CSNK1G1: variants seen among roughly 807,000 people sequenced by gnomAD.
CSNK1G1 encodes the protein casein kinase I isoform gamma-1.
Under a neutral mutation model 59.6 loss-of-function variants are expected in CSNK1G1, and 22 were observed. The ratio of observed to expected loss-of-function variants is 0.37; its 90% confidence interval spans 0.26 to 0.53. CSNK1G1 has a LOEUF of 0.53. Among genes scored for constraint, CSNK1G1 ranks in the 20% least tolerant of loss-of-function variants. The pLI, the probability that CSNK1G1 is intolerant of heterozygous loss-of-function variation, is 0.89. For missense variants in CSNK1G1, 384 were observed against 519.5 expected (o/e 0.74, Z 2.54); for synonymous variants, 179 against 177.1 (o/e 1.01, Z -0.08).
chr15:64,189,950 T>C (rs2081949064), intron 10 of CSNK1G1, among the ~76,000 whole-genome samples: 2 of 151,816 alleles, frequency 1.3e-5, no homozygotes, highest in Non-Finnish European at 2.9e-5. Context: ...TCCTGAGTAG[T>C]TGGGACTACA....
chr15:64,302,851 T>C (rs1246175698), intron 1 of CSNK1G1, among the ~76,000 whole-genome samples: 1 of 152,158 alleles, frequency 6.6e-6, no homozygotes, highest in African/African-American at 2.4e-5. Context: ...TTTATAAAGA[T>C]TTGGAAACTA....
chr15:64,191,233 T>C (rs1204596479), intron 10 of CSNK1G1, among the ~76,000 whole-genome samples: 1 of 152,160 alleles, frequency 6.6e-6, no homozygotes, highest in Non-Finnish European at 1.5e-5. Flanking sequence ...CTAATTTTTT[T>C]ATATTTTTAG....
intron 2 of CSNK1G1, among the ~76,000 whole-genome samples, chr15:64,297,036 AT>A (rs1184394630): frequency 1.6e-5 from 2 of 129,032 alleles, no homozygotes; most frequent in East Asian, 2.3e-4. Context: ...AGTATGCTTT[AT>A]TTTCCCCCCT....
At chr15:64,230,556 C>T (rs2082533107) in intron 4 of CSNK1G1, among the ~76,000 whole-genome samples, 1 of 152,172 alleles carries the variant, frequency 6.6e-6, no homozygotes, top group Non-Finnish European at 1.5e-5. Flanking sequence ...CCTCATCCTT[C>T]CCAAACTGCC....
chr15:64,210,020 A>G lies in CSNK1G1; in HGVS notation c.680-2426T>C, dbSNP rs1450320939. Among the ~76,000 whole-genome samples, 1 of 152,182 alleles carries G rather than the reference A, an allele frequency of 6.6e-6. No homozygotes were observed. Among genetic ancestry groups the G allele is most frequent in the Non-Finnish European group, 1.5e-5 (1 of 68,038 alleles). On this transcript the variant is annotated intron_variant, in intron 6 of 11. Coordinates refer to ENST00000303052, the MANE Select transcript of CSNK1G1 (RefSeq NM_022048.5). This position sits in a 1 kb window ranked among gnomAD's most constrained non-coding sequence, Gnocchi z 4.2. The stretch of plus-strand genomic sequence containing the variant: ...ATATATTTTTAAAACTCACTGGAAT[A>G]AGTAATAAAGTAACTTTTCAAATCC...
chr15:64,264,154 T>C (rs577915754), intron 2 of CSNK1G1, among the ~76,000 whole-genome samples: 1 of 152,226 alleles, frequency 6.6e-6, no homozygotes, highest in African/African-American at 2.4e-5. Context: ...TAAATGCAAA[T>C]ATAGGAGTTT....
rs2081667894 is a variant in CSNK1G1, at chr15:64,171,733, A to C, written c.*198T>G. ...AGCTCTGGGACCTGCTCAGAGCCTTAGGCAGGCGGAGATGGCCAATGACCC... is the reference window on the plus strand; with the variant it reads ...AGCTCTGGGACCTGCTCAGAGCCTTCGGCAGGCGGAGATGGCCAATGACCC... On this transcript the variant is annotated 3_prime_UTR_variant, in exon 12 of 12. Transcript: ENST00000303052. The surrounding 1 kb of genome is among the most constrained non-coding windows in gnomAD (Gnocchi z 4.8). 1.6e-6 allele frequency: 1 copy of C among 610,132 alleles called. No individual in the cohort carries two copies. The highest frequency in any genetic ancestry group is 1.9e-5 in the South Asian group (1 of 51,618). 37.8% of individuals were successfully genotyped at this position (610,132 alleles called of 1,614,324 possible). A position where few individuals can be genotyped will look rare whatever the true frequency, so the allele number is the denominator to read the frequency against.
At position 64,170,892 on chromosome 15, in the gene CSNK1G1, G is replaced by A. The variant is rs2081656323; in HGVS notation, c.*1039C>T. On this transcript the variant is annotated 3_prime_UTR_variant, in exon 12 of 12. Transcript: ENST00000303052. ...TCAAACTGTAAGCTGATTAGGTCAAGATGCTCTGGTAGGGACATTCTTCAG... is the reference window on the plus strand; with the variant it reads ...TCAAACTGTAAGCTGATTAGGTCAAAATGCTCTGGTAGGGACATTCTTCAG... 1 of 152,592 alleles carries A rather than the reference G, an allele frequency of 6.6e-6. No individual in the cohort carries two copies. Among genetic ancestry groups the A allele is most frequent in the Non-Finnish European group, 1.5e-5 (1 of 68,036 alleles). The allele number at this position is 152,592 out of a possible 1,614,324, so 9.5% of individuals were successfully genotyped here. A position where few individuals can be genotyped will look rare whatever the true frequency, so the allele number is the denominator to read the frequency against.
At chr15:64,263,553 G>A (rs1892812844) in intron 2 of CSNK1G1, among the ~76,000 whole-genome samples, 1 of 152,102 alleles carries the variant, frequency 6.6e-6, no homozygotes, top group South Asian at 2.1e-4. Context: ...CAGTGCAGTT[G>A]ACTTTCAACT....
At chr15:64,276,622 A>G (rs913465693) in intron 2 of CSNK1G1, among the ~76,000 whole-genome samples, 3 of 151,980 alleles carry the variant, frequency 2.0e-5, no homozygotes, top group African/African-American at 7.3e-5. Context: ...CCCAGGTAGG[A>G]AAAAAAAGGT....
At chr15:64,278,207 TG>T (rs1893860228) in intron 2 of CSNK1G1, among the ~76,000 whole-genome samples, 1 of 150,436 alleles carries the variant, frequency 6.6e-6, no homozygotes, top group Admixed American at 6.6e-5. Context: ...CCACCACTCT[TG>T]GCTAATTTTT....
intron 1 of CSNK1G1, among the ~76,000 whole-genome samples, chr15:64,348,988 C>G (rs1898127439): frequency 6.6e-6 from 1 of 151,756 alleles, no homozygotes; most frequent in South Asian, 2.1e-4. Context: ...AAAAAATTAG[C>G]TGGACATGGT....
Position 64,226,555 on chromosome 15 carries a change from A to AAAACAAACAAACAAAC in CSNK1G1, c.293-9858_293-9843dup, listed in dbSNP as rs141730302. ...CAGTGACAGAGCAAGATTCCGTCTCAAAACAAACAAACAAACAAACAAACA... is the reference window on the plus strand; with the variant it reads ...CAGTGACAGAGCAAGATTCCGTCTCAAAACAAACAAACAAACAAACAAACAAACAAACAAACAAACA... On this transcript the variant is annotated intron_variant, in intron 4 of 11. Transcript: ENST00000303052. 4.7e-3 allele frequency among the ~76,000 whole-genome samples: 693 copies of AAAACAAACAAACAAAC among 148,402 alleles called. 5 individuals are homozygous for AAAACAAACAAACAAAC. The highest frequency in any genetic ancestry group is 7.5e-3 in the Non-Finnish European group (505 of 67,608).
At chr15:64,259,166 C>A in intron 3 of CSNK1G1, 35 bp downstream of exon 3, 1 of 1,545,200 alleles carries the variant, frequency 6.5e-7, no homozygotes, top group Non-Finnish European at 8.8e-7. Context: ...ATGGGAGCAC[C>A]AAAACATTAA....
At chr15:64,236,496 C>T (rs2082618928) in intron 4 of CSNK1G1, among the ~76,000 whole-genome samples, 1 of 152,130 alleles carries the variant, frequency 6.6e-6, no homozygotes, top group Non-Finnish European at 1.5e-5. Context: ...CATTAATAGA[C>T]ATTTTTCAAA....
intron 2 of CSNK1G1, among the ~76,000 whole-genome samples, chr15:64,287,486 A>C (rs1894491991): frequency 6.6e-6 from 1 of 152,142 alleles, no homozygotes; most frequent in Non-Finnish European, 1.5e-5. Context: ...ACTTTTGTTC[A>C]ACTCTTTGCT....
chr15:64,292,924 C>T (rs1293699865), intron 2 of CSNK1G1, among the ~76,000 whole-genome samples: 12 of 150,140 alleles, frequency 8.0e-5, no homozygotes, highest in African/African-American at 2.4e-4. Context: ...GAGACTCCAT[C>T]TCATAAATAA....
chr15:64,231,582 G>C (rs1395655364), intron 4 of CSNK1G1, among the ~76,000 whole-genome samples: 1 of 151,668 alleles, frequency 6.6e-6, no homozygotes, highest in Non-Finnish European at 1.5e-5. Flanking sequence ...TGCATGAACA[G>C]AGACATAGCA....
At chr15:64,324,530 C>A (rs149654778) in intron 1 of CSNK1G1, among the ~76,000 whole-genome samples, 8 of 152,234 alleles carry the variant, frequency 5.3e-5, no homozygotes, top group African/African-American at 1.9e-4. Context: ...TGGACTTACA[C>A]CAGTGGTTTG....
Sources: allele counts gnomAD v4.1 joint callset (sites outside exome capture counted in the v4.1 genomes callset), GRCh38; gene constraint gnomAD v4.1.1; non-coding constraint Gnocchi (gnomAD v3.1); transcripts MANE v1.5; gene names NCBI Gene and HGNC (gene_info 2026-07-23, HGNC 2026-07-21).